The following SP3 variants were observed in gnomAD, a reference collection of about 807,000 sequenced individuals.
SP3 encodes the protein transcription factor Sp3.
A neutral mutation model predicts 70.3 loss-of-function variants in SP3; 10 were observed. That is an observed-to-expected ratio of 0.14 (90% confidence interval 0.09 to 0.24). The LOEUF is 0.24. Among genes scored for constraint, SP3 ranks in the 10% least tolerant of loss-of-function variants. SP3 has a pLI of 1.00. For synonymous variants in SP3, 402 were observed against 333.5 expected (o/e 1.21, Z -2.24); for missense variants, 825 against 914.6 (o/e 0.90, Z 1.26).
intron 3 of SP3, among the ~76,000 whole-genome samples, chr2:173,961,406 T>C (rs918689017): frequency 3.3e-5 from 5 of 152,226 alleles, no homozygotes; most frequent in African/African-American, 9.7e-5. Flanking sequence ...CATCTGTATG[T>C]GTATATTTCC....
At chr2:173,913,360 T>C (rs906641975) in intron 5 of SP3, 94 bp from the exon 6 acceptor site, 7 of 912,698 alleles carry the variant, frequency 7.7e-6, no homozygotes, top group Admixed American at 7.9e-5. Context: ...GAATTTTAAA[T>C]AGAAGACATT....
chr2:173,927,433 C>T (rs1204707936), intron 4 of SP3, among the ~76,000 whole-genome samples: 2 of 151,980 alleles, frequency 1.3e-5, no homozygotes, highest in South Asian at 2.1e-4. Context: ...TCCGCCACCA[C>T]GCCCGGCTAA....
chr2:173,915,036 C>A (rs904968956), intron 5 of SP3: 1 of 152,104 alleles, frequency 6.6e-6, no homozygotes, highest in Non-Finnish European at 1.5e-5. Flanking sequence ...CAATAATCAA[C>A]GCGCTTTTAC....
At chr2:173,931,344 T>TCTGTTGTTG (rs1553516655) in intron 4 of SP3, among the ~76,000 whole-genome samples, 3 of 151,376 alleles carry the variant, frequency 2.0e-5, no homozygotes, top group Admixed American at 6.6e-5. Context: ...GCCTGGCATT[T>TCTGTTGTTG]TTGTTGTTGT....
At chr2:173,964,640 C>A in intron 1 of SP3, 87 bp from the exon 2 acceptor site, 1 of 605,708 alleles carries the variant, frequency 1.7e-6, no homozygotes, top group South Asian at 1.8e-5. Context: ...CGAAATTACT[C>A]CCAAAGCCCG....
At chr2:173,926,380 G>GAT (rs1203237902) in intron 4 of SP3, among the ~76,000 whole-genome samples, 4 of 151,908 alleles carry the variant, frequency 2.6e-5, no homozygotes, top group Non-Finnish European at 4.4e-5. Context: ...CTACCAAATA[G>GAT]ATATATATAT....
At chr2:173,929,412 GGGGAA>G in intron 4 of SP3, among the ~76,000 whole-genome samples, 2 of 152,170 alleles carry the variant, frequency 1.3e-5, no homozygotes, top group Non-Finnish European at 2.9e-5. Flanking sequence ...CTGCGCTGAT[GGGGAA>G]ATCACCTCTA....
intron 2 of SP3, chr2:173,964,155 AC>A: frequency 2.7e-6 from 1 of 373,214 alleles, no homozygotes; most frequent in Non-Finnish European, 4.7e-6. Flanking sequence ...CCCGGAACCC[AC>A]CCCCGGGAGG....
intron 6 of SP3, among the ~76,000 whole-genome samples, chr2:173,911,713 C>T (rs1689487353): frequency 6.6e-6 from 1 of 151,440 alleles, no homozygotes; most frequent in Non-Finnish European, 1.5e-5. Flanking sequence ...ACAGGGCCAT[C>T]ATAAGATCTA....
chr2:173,954,130 C>A (rs771468257), intron 4 of SP3, among the ~76,000 whole-genome samples: 1 of 152,190 alleles, frequency 6.6e-6, no homozygotes, highest in Admixed American at 6.5e-5. Flanking sequence ...GGATTTACTG[C>A]ACAACAAAAC....
At chr2:173,964,085 C>A in intron 2 of SP3, 1 of 350,548 alleles carries the variant, frequency 2.9e-6, no homozygotes, top group Non-Finnish European at 5.1e-6. Flanking sequence ...TCCAAGCACC[C>A]CGGCTCCCCG....
In SP3 at chr2:173,907,797, G is replaced by GT. The variant is rs777277852; in HGVS notation, c.*2143dup. The GT allele has an allele frequency of 2.6e-5, 4 of 152,150 alleles. No individual in the cohort carries two copies. The highest frequency in any genetic ancestry group is 4.4e-5 in the Non-Finnish European group (3 of 67,948). 9.4% of individuals were successfully genotyped at this position (152,150 alleles called of 1,614,324 possible). A position where few individuals can be genotyped will look rare whatever the true frequency, so the allele number is the denominator to read the frequency against. On this transcript the variant is annotated 3_prime_UTR_variant, in exon 7 of 7. Coordinates refer to ENST00000310015, the MANE Select transcript of SP3 (RefSeq NM_003111.5). ...TTTTAAGATTCAAAATCTAATCCCT[G>GT]TAACTTCAAAATAATTGTAAATTCT...
chr2:173,947,850 T>C (rs1290808768), intron 4 of SP3, among the ~76,000 whole-genome samples: 1 of 152,188 alleles, frequency 6.6e-6, no homozygotes, highest in Non-Finnish European at 1.5e-5. Flanking sequence ...CCAAAACTCA[T>C]ATATAACTCT....
chr2:173,923,794 A>G (rs995375328), intron 4 of SP3, among the ~76,000 whole-genome samples: 1 of 151,892 alleles, frequency 6.6e-6, no homozygotes, highest in Non-Finnish European at 1.5e-5. Context: ...TTGATTCTAA[A>G]AGTTTATTTT....
At chr2:173,952,111 T>TTC (rs1441123121) in intron 4 of SP3, among the ~76,000 whole-genome samples, 1 of 152,036 alleles carries the variant, frequency 6.6e-6, no homozygotes, top group Non-Finnish European at 1.5e-5. Context: ...ATTTTTTTTT[T>TTC]TTTTTTGAGG....
intron 4 of SP3, among the ~76,000 whole-genome samples, chr2:173,946,905 C>T (rs998131861): frequency 2.7e-5 from 4 of 150,300 alleles, no homozygotes; most frequent in Non-Finnish European, 5.9e-5. Flanking sequence ...TTAAGGTAGA[C>T]GGAGGGTCTT....
At chr2:173,912,011 T>G (rs1689499236) in intron 6 of SP3, among the ~76,000 whole-genome samples, 1 of 152,034 alleles carries the variant, frequency 6.6e-6, no homozygotes, top group African/African-American at 2.4e-5. Context: ...AGAGACACGG[T>G]TTCACCATGT....
In SP3 at chr2:173,908,387, CTCT is replaced by C. The variant is rs1350362307; in HGVS notation, c.*1551_*1553del. Reference sequence around the variant, plus strand: ...GTAAATGACCAGTGTCTCTATATATCTCTTCTTCAAATAAATGCCTGTTTACAA... The same window carrying C: ...GTAAATGACCAGTGTCTCTATATATCTCTTCAAATAAATGCCTGTTTACAA... On this transcript the variant is annotated 3_prime_UTR_variant, in exon 7 of 7. Coordinates refer to ENST00000310015, the MANE Select transcript of SP3 (RefSeq NM_003111.5). The C allele has an allele frequency of 6.6e-6, 1 of 152,358 alleles. No individual in the cohort carries two copies. Among genetic ancestry groups the C allele is most frequent in the Admixed American group, 6.6e-5 (1 of 15,252 alleles). 9.4% of individuals were successfully genotyped at this position (152,358 alleles called of 1,614,324 possible). A position where few individuals can be genotyped will look rare whatever the true frequency, so the allele number is the denominator to read the frequency against.
chr2:173,959,127 G>A lies in SP3; in HGVS notation c.280-2895C>T, dbSNP rs1300003003. On this transcript the variant is annotated intron_variant, in intron 3 of 6. Transcript: ENST00000310015. ...AGAATGGATCAAAACAAATTTTGAG[G>A]TATTAAGAGCCTTCTATGAAAAAGT... Among the ~76,000 whole-genome samples, 15 of 152,148 alleles carry A rather than the reference G, an allele frequency of 9.9e-5. No individual in the cohort carries two copies. In the South Asian group the frequency reaches 1.0e-3, roughly 11 times the overall value.
Sources: allele counts gnomAD v4.1 joint callset (sites outside exome capture counted in the v4.1 genomes callset), GRCh38; gene constraint gnomAD v4.1.1; transcripts MANE v1.5; gene names NCBI Gene and HGNC (gene_info 2026-07-23, HGNC 2026-07-21).